The following PRMT8 variants were observed in gnomAD, a reference collection of about 807,000 sequenced individuals.
PRMT8 encodes protein arginine methyltransferase 8.
In PRMT8, 7 loss-of-function variants were observed where a neutral mutation model predicts 47.1. The ratio of observed to expected loss-of-function variants is 0.15; its 90% confidence interval spans 0.08 to 0.28. The LOEUF is 0.28. PRMT8 is among the 10% of genes least tolerant of loss of function. The pLI, the probability that PRMT8 is intolerant of heterozygous loss-of-function variation, is 1.00. For missense variants in PRMT8, 237 were observed against 505.4 expected, an observed-to-expected ratio of 0.47 and a Z score of 5.09; for synonymous variants, 188 against 186.5, an observed-to-expected ratio of 1.01 and a Z score of -0.07.
At position 3,393,666 on chromosome 12, in the gene PRMT8, C is replaced by G. The variant is rs1203760433; in HGVS notation, c.48+12224C>G. On this transcript the variant is annotated intron_variant, in intron 1 of 9. Transcript: ENST00000452611. ...GTAGTGTGATGCCTCCAGCTTTGTT[C>G]TTTTGGCTTAGGATTGACTTGGCGA... Among the ~76,000 whole-genome samples the G allele has an allele frequency of 6.8e-5, 10 of 147,798 alleles. No homozygotes were observed. The Admixed American group carries it at 6.8e-4, about 10-fold the overall frequency.
At chr12:3,568,044 C>A (rs1218325542) in intron 4 of PRMT8, among the ~76,000 whole-genome samples, 1 of 150,564 alleles carries the variant, frequency 6.6e-6, no homozygotes, top group Admixed American at 6.6e-5. Context: ...TGCACTCCAG[C>A]CTGGGCAACA....
intron 1 of PRMT8, among the ~76,000 whole-genome samples, chr12:3,382,219 T>C (rs558330268): frequency 1.3e-5 from 2 of 152,184 alleles, no homozygotes; most frequent in African/African-American, 2.4e-5. Flanking sequence ...TGGGTGAACA[T>C]GAGTTTTCAT....
intron 1 of PRMT8, among the ~76,000 whole-genome samples, chr12:3,524,554 T>G (rs181432809): frequency 2.0e-5 from 3 of 151,288 alleles, no homozygotes; most frequent in Admixed American, 6.6e-5. Flanking sequence ...CCCAGCTACT[T>G]AGGTCATAAA....
intron 4 of PRMT8, among the ~76,000 whole-genome samples, chr12:3,559,956 A>G (rs575180954): frequency 1.1e-3 from 169 of 152,312 alleles, no homozygotes; most frequent in African/African-American, 3.9e-3. Flanking sequence ...AGGCTTGAAG[A>G]GTGCAAACCT....
chr12:3,437,918 A>G (rs1167730824), intron 1 of PRMT8, among the ~76,000 whole-genome samples: 2 of 152,182 alleles, frequency 1.3e-5, no homozygotes, highest in African/African-American at 4.8e-5. Flanking sequence ...TAGCTCGAGC[A>G]GTAACTTGGG....
chr12:3,419,068 T>C (rs920719915), intron 1 of PRMT8, among the ~76,000 whole-genome samples: 2 of 152,336 alleles, frequency 1.3e-5, no homozygotes, highest in East Asian at 3.9e-4. Flanking sequence ...GGTTTGTTAT[T>C]AGCAGTAAAC....
In PRMT8 at chr12:3,491,531, T is replaced by G; in HGVS notation, c.-95T>G. On this transcript the variant is annotated 5_prime_UTR_variant, in exon 1 of 10. Coordinates refer to ENST00000382622, the MANE Select transcript of PRMT8 (RefSeq NM_019854.5). ...AGCTGAGGGGCTGGGTTGGATTTTT[T>G]TTTTTCTCCCATCCTCTCGCTCTCT... is the stretch of plus-strand genomic sequence containing the variant. 2.0e-6 allele frequency: 3 copies of G among 1,471,284 alleles called. No individual in the cohort carries two copies. In the South Asian group the frequency reaches 4.1e-5, roughly 20 times the overall value. 91.1% of individuals were successfully genotyped at this position (1,471,284 alleles called of 1,614,324 possible). A position where few individuals can be genotyped will look rare whatever the true frequency, so the allele number is the denominator to read the frequency against.
intron 1 of PRMT8, among the ~76,000 whole-genome samples, chr12:3,389,078 G>T (rs537823954): frequency 2.6e-5 from 4 of 152,326 alleles, no homozygotes; most frequent in Admixed American, 1.3e-4. Context: ...ATCCATTCCA[G>T]TGTGAGAAAG....
Position 3,593,134 on chromosome 12 carries a change from G to A in PRMT8, c.1137G>A (p.Lys379=). ...ATTTCACAGTAGACTTGGATTTTAA[G>A]GGACAGCTGTGTGAAACATCTGTAT... The part of the protein sequence containing the change: ...DLDFTVDLDF[K]GQLCETSVSN... Residue 379 remains lysine, a synonymous_variant, in exon 10 of 10, where the codon AAG becomes AAA. Coordinates refer to ENST00000382622, the MANE Select transcript of PRMT8 (RefSeq NM_019854.5). This position sits in a 1 kb window ranked among gnomAD's most constrained non-coding sequence, Gnocchi z 4.8. 1 of 1,614,166 alleles carries A rather than the reference G, an allele frequency of 6.2e-7. No homozygotes were observed. Among genetic ancestry groups the A allele is most frequent in the South Asian group, 1.1e-5 (1 of 91,078 alleles).
chr12:3,499,217 C>CT (rs1266484642), intron 1 of PRMT8, among the ~76,000 whole-genome samples: 1 of 83,304 alleles, frequency 1.2e-5, no homozygotes, highest in Non-Finnish European at 2.3e-5. Context: ...TTATTATACT[C>CT]TAAGTTTTAG....
chr12:3,444,568 G>A (rs960222861), intron 1 of PRMT8, among the ~76,000 whole-genome samples: 1 of 152,252 alleles, frequency 6.6e-6, no homozygotes, highest in Non-Finnish European at 1.5e-5. Context: ...TTGAGCGAAG[G>A]TCTTGGTTAG....
chr12:3,392,987 T>G (rs1210234473), intron 1 of PRMT8, among the ~76,000 whole-genome samples: 2 of 152,184 alleles, frequency 1.3e-5, no homozygotes, highest in Non-Finnish European at 2.9e-5. Context: ...TTTTCATGTG[T>G]TTTTTGGCTG....
rs1864409295 is a variant in PRMT8, at chr12:3,409,918, T to C, written c.48+28476T>C. Among the ~76,000 whole-genome samples, 1 of 152,166 alleles carries C rather than the reference T, an allele frequency of 6.6e-6. No homozygotes were observed. The highest frequency in any genetic ancestry group is 6.5e-5 in the Admixed American group (1 of 15,274). ...GATTTTCCCAGAGATGGGGTGCCGC[T>C]TCAGCTCAGGCCAAGAGAGGCAGGG... On this transcript the variant is annotated intron_variant, in intron 1 of 9. Transcript: ENST00000452611. The surrounding 1 kb of genome is among the most constrained non-coding windows in gnomAD (Gnocchi z 4.4).
intron 1 of PRMT8, among the ~76,000 whole-genome samples, chr12:3,517,216 G>A (rs866890215): frequency 3.9e-5 from 6 of 152,236 alleles, no homozygotes; most frequent in South Asian, 4.1e-4. Context: ...TTGTAAAATC[G>A]TCATTAAAAG....
At chr12:3,397,629 A>T (rs1864268855) in intron 1 of PRMT8, among the ~76,000 whole-genome samples, 2 of 152,020 alleles carry the variant, frequency 1.3e-5, no homozygotes, top group Middle Eastern at 3.4e-3. Context: ...TCAGACAGGG[A>T]CATTTAAGTC....
chr12:3,559,955 G>T (rs1455690156), intron 4 of PRMT8, among the ~76,000 whole-genome samples: 1 of 152,206 alleles, frequency 6.6e-6, no homozygotes, highest in African/African-American at 2.4e-5. Context: ...AAGGCTTGAA[G>T]AGTGCAAACC....
intron 1 of PRMT8, among the ~76,000 whole-genome samples, chr12:3,529,052 G>T (rs543310051): frequency 8.3e-4 from 127 of 152,280 alleles, no homozygotes; most frequent in African/African-American, 2.9e-3. Flanking sequence ...CACATCCATG[G>T]TTTGATCAGT....
upstream of PRMT8, among the ~76,000 whole-genome samples, chr12:3,490,672 A>G (rs1865374242): frequency 7.8e-6 from 1 of 127,676 alleles, no homozygotes; most frequent in Non-Finnish European, 1.6e-5. Context: ...GGCTTTGGGT[A>G]CAAAGAGAGA....
intron 4 of PRMT8, among the ~76,000 whole-genome samples, chr12:3,554,639 C>G (rs1430023118): frequency 2.0e-5 from 3 of 152,150 alleles, no homozygotes; most frequent in African/African-American, 7.2e-5. Flanking sequence ...AAGGCTGGAG[C>G]TGGGAGGGAA....
Sources: allele counts gnomAD v4.1 joint callset (sites outside exome capture counted in the v4.1 genomes callset), GRCh38; gene constraint gnomAD v4.1.1; non-coding constraint Gnocchi (gnomAD v3.1); transcripts MANE v1.5; gene names NCBI Gene and HGNC (gene_info 2026-07-23, HGNC 2026-07-21).